Variants in FRMD4B observed in about 807,000 individuals in gnomAD.
The protein encoded by FRMD4B is FERM domain-containing protein 4B.
Under a neutral mutation model 141.5 loss-of-function variants are expected in FRMD4B, and 74 were observed. That is an observed-to-expected ratio of 0.52 (90% CI 0.43 to 0.63). The LOEUF (loss-of-function observed/expected upper bound fraction) is 0.63, where lower values mean the gene tolerates loss of function less well. FRMD4B is among the 30% of genes least tolerant of loss of function. FRMD4B has a pLI of 0.00. For missense variants in FRMD4B, 1,366 were observed against 1,253.4 expected (o/e 1.09, Z -1.36); for synonymous variants, 506 against 467.9 (o/e 1.08, Z -1.05).
chr3:69,385,974 T>A lies in FRMD4B; in HGVS notation c.16A>T (p.Met6Leu). Residue 6 changes from methionine (M) to leucine (L), a missense_variant, in exon 1 of 23, where the codon ATG (methionine) becomes TTG (leucine). Physicochemically the swap from Met to Leu is conservative, Grantham distance 15. Coordinates refer to ENST00000398540, the MANE Select transcript of FRMD4B (RefSeq NM_015123.3). MASVF[M>L]CGVEDLLFSG... ...AACAGCAGGTCCTCCACGCCACACA[T>A]GAACACCGAAGCCATGCCTCCTCCT... 2 of 1,599,838 alleles carry A rather than the reference T, an allele frequency of 1.3e-6. No homozygotes were observed. The highest frequency in any genetic ancestry group is 1.3e-5 in the African/African-American group (1 of 74,436).
At chr3:69,245,530 A>G (rs2093418412) in intron 7 of FRMD4B, among the ~76,000 whole-genome samples, 2 of 152,128 alleles carry the variant, frequency 1.3e-5, no homozygotes, top group South Asian at 2.1e-4. Flanking sequence ...TATTTTTAGT[A>G]GAGACAAGGT....
chr3:69,241,017 G>T (rs1033008044), intron 7 of FRMD4B, among the ~76,000 whole-genome samples: 3 of 152,200 alleles, frequency 2.0e-5, no homozygotes, highest in Non-Finnish European at 4.4e-5. Context: ...GGACCAAGTA[G>T]CTATGATGGG....
chr3:69,501,076 A>T (rs1341728302), intron 1 of FRMD4B, among the ~76,000 whole-genome samples: 1 of 152,182 alleles, frequency 6.6e-6, no homozygotes, highest in African/African-American at 2.4e-5. Context: ...AAAAAAATTT[A>T]AAAATCAGGC....
intron 22 of FRMD4B, among the ~76,000 whole-genome samples, chr3:69,173,618 T>A (rs1387338460): frequency 6.6e-6 from 1 of 152,176 alleles, no homozygotes; most frequent in East Asian, 1.9e-4. Context: ...TGTTAATAGG[T>A]TAAATTGATC....
Position 69,294,290 on chromosome 3 carries a change from G to A in FRMD4B, c.417-6454C>T, listed in dbSNP as rs1028155721. Among the ~76,000 whole-genome samples the A allele has an allele frequency of 7.2e-5, 11 of 152,296 alleles. No homozygotes were observed. In the East Asian group the frequency reaches 1.3e-3, roughly 19 times the overall value. On this transcript the variant is annotated intron_variant, in intron 4 of 22. Transcript: ENST00000398540. ...TCAGATCCTCATCCACATTCTGAGC[G>A]GGGAGATCTCTGTTTATTGCTTGTA...
chr3:69,169,353 C>CTTCCTTTTTTTTTTT lies in FRMD4B; in HGVS notation c.*2507_*2508insAAAAAAAAAAAGGAA, dbSNP rs1553691418. On this transcript the variant is annotated 3_prime_UTR_variant, in exon 23 of 23. Transcript: ENST00000398540. ...AGGATTGCTGAACTTCCATTTCTTT[C>CTTCCTTTTTTTTTTT]TTTTTTTTTTTTTTTTTTTTTTCTT... is the stretch of plus-strand genomic sequence containing the variant. 6.8e-5 allele frequency among the ~76,000 whole-genome samples: 2 copies of CTTCCTTTTTTTTTTT among 29,286 alleles called. 1 individual carries two copies. The allele number at this position is 29,286 out of a possible 152,430, so 19.2% of individuals were successfully genotyped here.
chr3:69,513,862 A>T (rs1402219278), intron 1 of FRMD4B, among the ~76,000 whole-genome samples: 1 of 152,216 alleles, frequency 6.6e-6, no homozygotes, highest in African/African-American at 2.4e-5. Context: ...ACACCCTTTT[A>T]TGATAAAAAT....
chr3:69,243,247 T>G (rs1274628819), intron 7 of FRMD4B, among the ~76,000 whole-genome samples: 1 of 152,182 alleles, frequency 6.6e-6, no homozygotes, highest in East Asian at 1.9e-4. Flanking sequence ...TCCTACTGGT[T>G]ATGATAATGT....
At chr3:69,401,733 G>T (rs1229070383) in intron 2 of FRMD4B, among the ~76,000 whole-genome samples, 1 of 152,032 alleles carries the variant, frequency 6.6e-6, no homozygotes, top group Non-Finnish European at 1.5e-5. Context: ...ATTTTTTGTA[G>T]AGATGGGGTT....
At chr3:69,452,807 T>C (rs1217239913) in intron 1 of FRMD4B, among the ~76,000 whole-genome samples, 1 of 152,198 alleles carries the variant, frequency 6.6e-6, no homozygotes, top group Non-Finnish European at 1.5e-5. Flanking sequence ...GGGTCACAAA[T>C]GACAGGCACA....
chr3:69,482,330 A>C (rs2106989531), intron 1 of FRMD4B, among the ~76,000 whole-genome samples: 1 of 152,296 alleles, frequency 6.6e-6, no homozygotes, highest in East Asian at 1.9e-4. Flanking sequence ...ATATCACAGA[A>C]CTTAGTAAAC....
chr3:69,255,716 G>A (rs553789133), intron 5 of FRMD4B, among the ~76,000 whole-genome samples: 1 of 152,102 alleles, frequency 6.6e-6, no homozygotes, highest in South Asian at 2.1e-4. Flanking sequence ...ATTTTTTGGG[G>A]GAGGATGGAA....
chr3:69,284,583 A>T (rs1033387651), intron 5 of FRMD4B, among the ~76,000 whole-genome samples: 4 of 152,174 alleles, frequency 2.6e-5, no homozygotes, highest in African/African-American at 9.7e-5. Flanking sequence ...TCCCAAAACC[A>T]AACATCAAGA....
intron 1 of FRMD4B, among the ~76,000 whole-genome samples, chr3:69,445,083 G>A (rs1292202989): frequency 6.6e-6 from 1 of 152,058 alleles, no homozygotes; most frequent in Non-Finnish European, 1.5e-5. Flanking sequence ...GAGCACTCCC[G>A]CTGCGGTCAG....
chr3:69,525,827 AT>A (rs113241532), intron 1 of FRMD4B, among the ~76,000 whole-genome samples: 6,577 of 142,342 alleles, frequency 0.046, 385 homozygotes, highest in African/African-American at 0.14. Flanking sequence ...TAAGTTTTGT[AT>A]TTTTTTTTTT....
At chr3:69,190,042 T>G in intron 17 of FRMD4B, 90 bp from the exon 18 acceptor site, 1 of 715,222 alleles carries the variant, frequency 1.4e-6, no homozygotes, top group Non-Finnish European at 2.5e-6. Context: ...GAATGCATTT[T>G]CATTTAAATA....
intron 1 of FRMD4B, among the ~76,000 whole-genome samples, chr3:69,531,396 C>CAAA (rs149536550): frequency 6.7e-6 from 1 of 148,994 alleles, no homozygotes; most frequent in African/African-American, 2.5e-5. Flanking sequence ...ATGTACCAAG[C>CAAA]AAAAAAAAAG....
At chr3:69,299,835 A>C (rs758415775) in intron 4 of FRMD4B, among the ~76,000 whole-genome samples, 10 of 152,178 alleles carry the variant, frequency 6.6e-5, no homozygotes, top group Middle Eastern at 3.4e-3. Context: ...CTCGGTGTCC[A>C]TGAATGAGGG....
chr3:69,533,762 T>C (rs1290752249), intron 1 of FRMD4B, among the ~76,000 whole-genome samples: 1 of 152,056 alleles, frequency 6.6e-6, no homozygotes, highest in Non-Finnish European at 1.5e-5. Flanking sequence ...CGCAGTACCA[T>C]CCCATGCACC....
Sources: allele counts gnomAD v4.1 joint callset (sites outside exome capture counted in the v4.1 genomes callset), GRCh38; gene constraint gnomAD v4.1.1; transcripts MANE v1.5; gene names NCBI Gene and HGNC (gene_info 2026-07-23, HGNC 2026-07-21).